Variants in SH3PXD2A observed in about 807,000 individuals in gnomAD.
SH3PXD2A encodes the protein SH3 and PX domain-containing protein 2A.
A neutral mutation model predicts 115.2 loss-of-function variants in SH3PXD2A; 32 were observed. That is an observed-to-expected ratio of 0.28 (90% CI 0.21 to 0.37). The LOEUF (loss-of-function observed/expected upper bound fraction) is 0.37, where lower values mean the gene tolerates loss of function less well. SH3PXD2A is among the 10% of genes least tolerant of loss of function. The pLI is 1.00. For missense variants in SH3PXD2A, 1,328 were observed against 1,498.7 expected, an observed-to-expected ratio of 0.89 and a Z score of 1.88; for synonymous variants, 610 against 629.1, an observed-to-expected ratio of 0.97 and a Z score of 0.45.
chr10:103,833,668 G>A (rs1376263098), intron 1 of SH3PXD2A, among the ~76,000 whole-genome samples: 1 of 152,180 alleles, frequency 6.6e-6, no homozygotes, highest in Admixed American at 6.5e-5. Context: ...TGTTTCAGCT[G>A]GGATTTTGTT....
At chr10:103,605,258 T>A (rs1231289605) in intron 14 of SH3PXD2A, among the ~76,000 whole-genome samples, 1 of 152,142 alleles carries the variant, frequency 6.6e-6, no homozygotes, top group African/African-American at 2.4e-5. Flanking sequence ...AGGTCCCCAG[T>A]ATCTCAGTCT....
intron 2 of SH3PXD2A, among the ~76,000 whole-genome samples, chr10:103,788,565 A>G (rs2039002045): frequency 6.6e-6 from 1 of 152,146 alleles, no homozygotes; most frequent in African/African-American, 2.4e-5. Flanking sequence ...CAGTGTTCCA[A>G]TCTAAACTAG....
At chr10:103,663,832 C>T (rs2037346669) in intron 7 of SH3PXD2A, among the ~76,000 whole-genome samples, 1 of 152,256 alleles carries the variant, frequency 6.6e-6, no homozygotes, top group South Asian at 2.1e-4. Flanking sequence ...GTGGGCCCTG[C>T]AGGCCCATCT....
At chr10:103,812,673 G>A (rs2039281719) in intron 1 of SH3PXD2A, among the ~76,000 whole-genome samples, 1 of 152,136 alleles carries the variant, frequency 6.6e-6, no homozygotes, top group African/African-American at 2.4e-5. Context: ...ACAGCAGTCA[G>A]AGGCCAGCAG....
At chr10:103,615,425 G>A (rs766593768) in intron 11 of SH3PXD2A, among the ~76,000 whole-genome samples, 8 of 151,946 alleles carry the variant, frequency 5.3e-5, no homozygotes, top group Non-Finnish European at 8.8e-5. Context: ...TCCAGCAATG[G>A]AGAATGAAAT....
intron 2 of SH3PXD2A, among the ~76,000 whole-genome samples, chr10:103,796,859 CTTTT>C (rs11352709): frequency 6.1e-5 from 7 of 114,102 alleles, no homozygotes; most frequent in Admixed American, 1.9e-4. Flanking sequence ...TTTGGAACAT[CTTTT>C]TTTTTTTTTT....
At chr10:103,616,382 T>C (rs2036518947) in intron 11 of SH3PXD2A, among the ~76,000 whole-genome samples, 1 of 152,096 alleles carries the variant, frequency 6.6e-6, no homozygotes, top group Admixed American at 6.5e-5. Context: ...GCTGAGCCAG[T>C]TCCAAGGACA....
In SH3PXD2A at chr10:103,600,339, T is replaced by G. The variant is rs2036197678; in HGVS notation, c.*1477A>C. 1 of 152,450 alleles carries G rather than the reference T, an allele frequency of 6.6e-6. No homozygotes were observed. The highest frequency in any genetic ancestry group is 2.1e-4 in the South Asian group (1 of 4,832). The allele number at this position is 152,450 out of a possible 1,614,324, so 9.4% of individuals were successfully genotyped here. A position where few individuals can be genotyped will look rare whatever the true frequency, so the allele number is the denominator to read the frequency against. ...TTTATTCTCTCGCTTCTGTCTTCACTGGGGCACTGACCCTCGGGAAGACCA... is the reference window on the plus strand; with the variant it reads ...TTTATTCTCTCGCTTCTGTCTTCACGGGGGCACTGACCCTCGGGAAGACCA... On this transcript the variant is annotated 3_prime_UTR_variant, in exon 15 of 15. Coordinates refer to ENST00000369774, the MANE Select transcript of SH3PXD2A (RefSeq NM_001394015.1).
Position 103,640,332 on chromosome 10 carries a change from A to G in SH3PXD2A, c.605-13130T>C, listed in dbSNP as rs1439906734. On this transcript the variant is annotated intron_variant, in intron 8 of 14. Transcript: ENST00000369774. ...TCCATCTAAAAAAATTAAAAAAAAAAAAAGAAAGAGCTAAGTCTCTTTCCT... is the reference window on the plus strand; with the variant it reads ...TCCATCTAAAAAAATTAAAAAAAAAGAAAGAAAGAGCTAAGTCTCTTTCCT... 2.8e-4 allele frequency among the ~76,000 whole-genome samples: 42 copies of G among 152,030 alleles called. 1 individual carries two copies. Among genetic ancestry groups the G allele is most frequent in the South Asian group, 2.5e-3 (12 of 4,794 alleles).
At chr10:103,614,449 A>G (rs1592263257) in intron 11 of SH3PXD2A, among the ~76,000 whole-genome samples, 1 of 152,226 alleles carries the variant, frequency 6.6e-6, no homozygotes, top group African/African-American at 2.4e-5. Context: ...GACTAGATAA[A>G]ACTAAAACCA....
chr10:103,782,697 A>G (rs908477658), intron 2 of SH3PXD2A, among the ~76,000 whole-genome samples: 4 of 151,900 alleles, frequency 2.6e-5, no homozygotes, highest in Admixed American at 1.3e-4. Flanking sequence ...CATAGTAAAC[A>G]ACAGTTAAGA....
chr10:103,821,142 CTT>C (rs5787500), intron 1 of SH3PXD2A, among the ~76,000 whole-genome samples: 1,521 of 100,292 alleles, frequency 0.015, 17 homozygotes, highest in African/African-American at 0.04. Context: ...GTCGTTCATT[CTT>C]TTTTTTTTTT....
Position 103,627,666 on chromosome 10 carries a change from G to A in SH3PXD2A, c.605-464C>T, listed in dbSNP as rs1038937749. The stretch of plus-strand genomic sequence containing the variant: ...GGTCAACGGTTGCCTTTTCCCCATC[G>A]CGGGTCAGCGGTACCTTCGCATTGG... On this transcript the variant is annotated intron_variant, in intron 8 of 14. Transcript: ENST00000369774. This position sits in a 1 kb window ranked among gnomAD's most constrained non-coding sequence, Gnocchi z 4.4. 2.2e-4 allele frequency among the ~76,000 whole-genome samples: 34 copies of A among 152,274 alleles called. No individual in the cohort carries two copies. Among genetic ancestry groups the A allele is most frequent in the South Asian group, 2.1e-4 (1 of 4,816 alleles).
At chr10:103,638,043 GAC>G (rs2133977913) in intron 8 of SH3PXD2A, among the ~76,000 whole-genome samples, 1 of 152,310 alleles carries the variant, frequency 6.6e-6, no homozygotes, top group East Asian at 1.9e-4. Flanking sequence ...CTCTTGCCAA[GAC>G]ACGCGCCTCC....
intron 3 of SH3PXD2A, chr10:103,753,702 T>A (rs562658350): frequency 6.6e-6 from 1 of 152,296 alleles, no homozygotes; most frequent in East Asian, 1.9e-4. Context: ...TTGCACAGTA[T>A]CTGGCAGAAG....
At chr10:103,617,062 C>G in intron 11 of SH3PXD2A, 135 bp downstream of exon 11, 1 of 685,044 alleles carries the variant, frequency 1.5e-6, no homozygotes, top group East Asian at 2.5e-5. Flanking sequence ...TGCAGAGGTG[C>G]AGCAGCCCAG....
chr10:103,658,339 T>C (rs183598465), intron 8 of SH3PXD2A, among the ~76,000 whole-genome samples: 27 of 152,326 alleles, frequency 1.8e-4, no homozygotes, highest in Admixed American at 3.3e-4. Flanking sequence ...GCTGGGGCCA[T>C]TGCCCAACAA....
At chr10:103,710,899 G>T (rs188718206) in intron 5 of SH3PXD2A, among the ~76,000 whole-genome samples, 1 of 152,202 alleles carries the variant, frequency 6.6e-6, no homozygotes, top group East Asian at 1.9e-4. Context: ...AGTGGGGCAC[G>T]GTGGCATGTG....
intron 1 of SH3PXD2A, among the ~76,000 whole-genome samples, chr10:103,847,853 C>T (rs1466624856): frequency 2.0e-5 from 3 of 152,052 alleles, no homozygotes; most frequent in East Asian, 3.9e-4. Flanking sequence ...GCACGAGAAT[C>T]GCTTGAACCC....
Sources: gnomAD v4.1 joint callset for allele counts (sites outside exome capture counted in the v4.1 genomes callset) on GRCh38, gnomAD v4.1.1 for gene constraint, Gnocchi (gnomAD v3.1) non-coding constraint, MANE v1.5 for transcripts, NCBI Gene and HGNC (gene_info 2026-07-23, HGNC 2026-07-21) for gene names.